Variants in GLRA3 observed in about 807,000 individuals in gnomAD.
GLRA3 encodes glycine receptor subunit alpha-3.
In GLRA3, 44 loss-of-function variants were observed where a neutral mutation model predicts 60.4. That is an observed-to-expected ratio of 0.73 (90% confidence interval 0.57 to 0.94). The LOEUF (loss-of-function observed/expected upper bound fraction) is 0.94. Among genes scored for constraint, GLRA3 ranks in the 40% least tolerant of loss-of-function variants. GLRA3 has a pLI of 0.00. For synonymous variants in GLRA3, 223 were observed against 192.9 expected (o/e 1.16, Z -1.29); for missense variants, 508 against 564.6 (o/e 0.90, Z 1.02).
At chr4:174,777,918 A>G (rs1229887552) in intron 2 of GLRA3, among the ~76,000 whole-genome samples, 1 of 152,116 alleles carries the variant, frequency 6.6e-6, no homozygotes, top group African/African-American at 2.4e-5. Flanking sequence ...ATATATAAGC[A>G]TTACTCCTGT....
At chr4:174,729,333 A>T (rs1463617851) in intron 3 of GLRA3, among the ~76,000 whole-genome samples, 2 of 152,252 alleles carry the variant, frequency 1.3e-5, no homozygotes, top group East Asian at 3.8e-4. Context: ...TGTTACAAAA[A>T]TGACCATATA....
intron 1 of GLRA3, among the ~76,000 whole-genome samples, chr4:174,794,937 T>C (rs962821437): frequency 1.3e-5 from 2 of 152,016 alleles, no homozygotes; most frequent in African/African-American, 4.8e-5. Context: ...GCTCATTCAT[T>C]TATTTATTTA....
chr4:174,798,787 G>C (rs1739680134), intron 1 of GLRA3, among the ~76,000 whole-genome samples: 1 of 152,180 alleles, frequency 6.6e-6, no homozygotes, highest in Non-Finnish European at 1.5e-5. Flanking sequence ...AGCTGGGTGT[G>C]GTGGTGAGCG....
At position 174,757,429 on chromosome 4, in the gene GLRA3, TGA is replaced by T. The variant is rs879580390; in HGVS notation, c.267+9532_267+9533del. Reference sequence around the variant, plus strand: ...GAAAAAGAATTCTTGCAGAAATGACTGATCTATGGTTGGGGTGGGAAAAATAC... The same window carrying T: ...GAAAAAGAATTCTTGCAGAAATGACTTCTATGGTTGGGGTGGGAAAAATAC... On this transcript the variant is annotated intron_variant, in intron 3 of 9. Coordinates refer to ENST00000274093, the MANE Select transcript of GLRA3 (RefSeq NM_006529.4). Among the ~76,000 whole-genome samples the T allele has an allele frequency of 1.0e-2, 1,517 of 152,184 alleles. 60 individuals are homozygous for T. The East Asian group carries it at 0.1, about 10-fold the overall frequency.
chr4:174,717,049 T>G (rs904495338), intron 4 of GLRA3, among the ~76,000 whole-genome samples: 2 of 150,072 alleles, frequency 1.3e-5, no homozygotes, highest in East Asian at 3.9e-4. Flanking sequence ...AATATATATA[T>G]ATATATATTT....
intron 3 of GLRA3, among the ~76,000 whole-genome samples, chr4:174,734,888 T>G (rs1736709170): frequency 6.6e-6 from 1 of 152,158 alleles, no homozygotes; most frequent in Admixed American, 6.5e-5. Context: ...TGAAATAAAT[T>G]GATTTCAATT....
At chr4:174,766,450 A>G (rs1478713373) in intron 3 of GLRA3, among the ~76,000 whole-genome samples, 2 of 152,076 alleles carry the variant, frequency 1.3e-5, no homozygotes, top group Non-Finnish European at 2.9e-5. Context: ...GTCTGTAATG[A>G]CAATTTTTAT....
At chr4:174,680,053 CA>C (rs1734282209) in intron 6 of GLRA3, among the ~76,000 whole-genome samples, 1 of 152,080 alleles carries the variant, frequency 6.6e-6, no homozygotes, top group Admixed American at 6.5e-5. Flanking sequence ...ATAGATGTCC[CA>C]ATTACCCAGA....
At chr4:174,720,192 C>T (rs1403094237) in intron 4 of GLRA3, among the ~76,000 whole-genome samples, 1 of 152,102 alleles carries the variant, frequency 6.6e-6, no homozygotes, top group Non-Finnish European at 1.5e-5. Context: ...TCATATTTAA[C>T]TGCCTATGAT....
At chr4:174,681,881 T>G (rs1209914959) in intron 6 of GLRA3, among the ~76,000 whole-genome samples, 1 of 152,186 alleles carries the variant, frequency 6.6e-6, no homozygotes, top group Non-Finnish European at 1.5e-5. Flanking sequence ...TTGAACTCCC[T>G]AATAAGTTAG....
At chr4:174,815,726 T>C (rs1296132504) in intron 1 of GLRA3, among the ~76,000 whole-genome samples, 1 of 152,146 alleles carries the variant, frequency 6.6e-6, no homozygotes, top group African/African-American at 2.4e-5. Flanking sequence ...GGGCACCAAG[T>C]CCCTAGGCTG....
intron 5 of GLRA3, among the ~76,000 whole-genome samples, chr4:174,694,219 G>A (rs1435074504): frequency 1.3e-5 from 2 of 152,022 alleles, no homozygotes; most frequent in Non-Finnish European, 2.9e-5. Context: ...ATGTAAACTC[G>A]ACATTGGACC....
At chr4:174,770,676 A>G (rs1019307974) in intron 2 of GLRA3, among the ~76,000 whole-genome samples, 18 of 152,110 alleles carry the variant, frequency 1.2e-4, no homozygotes, top group African/African-American at 4.1e-4. Flanking sequence ...TGAACATGTA[A>G]TAATAAGAAC....
At position 174,669,982 on chromosome 4, in the gene GLRA3, G is replaced by A. The variant is rs548752095; in HGVS notation, c.927+7096C>T. On this transcript the variant is annotated intron_variant, in intron 7 of 9. Transcript: ENST00000274093. ...ATACTTTCGTCACCAGACAAGGAAA[G>A]TACAACCAAAAAGACTAAAGAATTT... is the stretch of plus-strand genomic sequence containing the variant. Among the ~76,000 whole-genome samples the A allele has an allele frequency of 4.5e-4, 69 of 152,280 alleles. 1 individual carries two copies. The South Asian group carries it at 0.014, about 31-fold the overall frequency.
chr4:174,799,482 A>C (rs1404252796), intron 1 of GLRA3, among the ~76,000 whole-genome samples: 1 of 152,210 alleles, frequency 6.6e-6, no homozygotes, highest in East Asian at 1.9e-4. Flanking sequence ...CGTAACTGAG[A>C]GGCTAACAAC....
chr4:174,828,745 G>C lies in GLRA3; in HGVS notation c.67C>G (p.Leu23Val). ...GFYFWEAALL[L>V]SLVATKETDS... ...GTTAAATCCAAGCGAACTCACCTGA[G>C]TAACAGTGCTGCTTCCCAGAAGTAA... The change falls in exon 1 of 10, where the codon CTC becomes GTC. Residue 23 changes from leucine to valine, a missense_variant. Leu to Val is a conservative substitution (Grantham distance 32). Transcript: ENST00000274093. The C allele has an allele frequency of 6.2e-7, 1 of 1,603,202 alleles. No homozygotes were observed. The highest frequency in any genetic ancestry group is 8.5e-7 in the Non-Finnish European group (1 of 1,170,040).
intron 5 of GLRA3, among the ~76,000 whole-genome samples, chr4:174,691,538 C>T (rs555944719): frequency 1.1e-4 from 16 of 152,308 alleles, no homozygotes; most frequent in East Asian, 1.9e-4. Context: ...TGCAGGCGCG[C>T]GCGCCGCCAC....
Position 174,640,950 on chromosome 4 carries a change from G to A in GLRA3, c.*2836C>T, listed in dbSNP as rs1437273825. 6.6e-6 allele frequency: 1 copy of A among 151,824 alleles called. No individual in the cohort carries two copies. Among genetic ancestry groups the A allele is most frequent in the Non-Finnish European group, 1.5e-5 (1 of 67,912 alleles). The allele number at this position is 151,824 out of a possible 1,614,324, so 9.4% of individuals were successfully genotyped here. ...CTTTCTTGAAAATACAGTGACTCTT[G>A]AATCTATTTAAAGTTGTAAAGTAAG... On this transcript the variant is annotated 3_prime_UTR_variant, in exon 10 of 10. Coordinates refer to ENST00000274093, the MANE Select transcript of GLRA3 (RefSeq NM_006529.4).
intron 8 of GLRA3, among the ~76,000 whole-genome samples, chr4:174,657,241 A>C (rs1167494640): frequency 6.6e-6 from 1 of 152,172 alleles, no homozygotes; most frequent in Non-Finnish European, 1.5e-5. Context: ...ACCAGAATTG[A>C]GCATCTAAAC....
Sources: gnomAD v4.1 joint callset for allele counts (sites outside exome capture counted in the v4.1 genomes callset) on GRCh38, gnomAD v4.1.1 for gene constraint, MANE v1.5 for transcripts, NCBI Gene and HGNC (gene_info 2026-07-23, HGNC 2026-07-21) for gene names.